Variants in TRPM3 observed in about 807,000 individuals in gnomAD.
The protein encoded by TRPM3 is long transient receptor potential channel 3.
TRPM3 carries 77 observed loss-of-function variants against 181.2 expected under a neutral mutation model. The observed-to-expected ratio is 0.42, with a 90% CI of 0.35 to 0.51. TRPM3 has a LOEUF of 0.51. Among genes scored for constraint, TRPM3 ranks in the 20% least tolerant of loss-of-function variants. TRPM3 has a pLI of 0.01. For synonymous variants in TRPM3, 745 were observed against 796.4 expected (o/e 0.94, Z 1.09); for missense variants, 1,759 against 2,196.7 (o/e 0.80, Z 3.98).
intron 8 of TRPM3, among the ~76,000 whole-genome samples, chr9:70,701,597 A>AGTT (rs558889092): frequency 5.7e-4 from 86 of 152,116 alleles, no homozygotes; most frequent in Non-Finnish European, 1.2e-3. Flanking sequence ...ATTCTGGGGT[A>AGTT]GTTAAGGGAT....
intron 1 of TRPM3, among the ~76,000 whole-genome samples, chr9:71,126,871 G>A (rs1469276105): frequency 2.6e-5 from 4 of 152,092 alleles, no homozygotes; most frequent in Non-Finnish European, 4.4e-5. Flanking sequence ...GTACAGTTCT[G>A]GTTGACAGAA....
chr9:70,670,451 T>C (rs1211637477), intron 9 of TRPM3, among the ~76,000 whole-genome samples: 1 of 152,212 alleles, frequency 6.6e-6, no homozygotes, highest in Non-Finnish European at 1.5e-5. Flanking sequence ...CTTTGGTCTG[T>C]TATTGGACTG....
intron 6 of TRPM3, among the ~76,000 whole-genome samples, chr9:70,792,554 A>G (rs2085734137): frequency 6.6e-6 from 1 of 151,514 alleles, no homozygotes; most frequent in Admixed American, 6.6e-5. Flanking sequence ...GAGAGAGGGC[A>G]TCTGTGAAAG....
At chr9:70,538,554 T>C (rs1208792241) in intron 25 of TRPM3, among the ~76,000 whole-genome samples, 1 of 152,142 alleles carries the variant, frequency 6.6e-6, no homozygotes, top group Non-Finnish European at 1.5e-5. Context: ...TCAGCCTCTC[T>C]AGTAGCTGGG....
At chr9:71,273,485 G>C (rs1382172777) in intron 1 of TRPM3, among the ~76,000 whole-genome samples, 1 of 152,206 alleles carries the variant, frequency 6.6e-6, no homozygotes, top group East Asian at 1.9e-4. Flanking sequence ...GGCATGCCAA[G>C]TTGAAATTCA....
At chr9:70,665,853 AC>A (rs1434816893) in intron 9 of TRPM3, among the ~76,000 whole-genome samples, 2 of 152,148 alleles carry the variant, frequency 1.3e-5, no homozygotes, top group Non-Finnish European at 2.9e-5. Flanking sequence ...ATGATTTTCA[AC>A]CTTCTGTTCC....
At chr9:71,291,658 C>A (rs1389963448) in intron 1 of TRPM3, among the ~76,000 whole-genome samples, 2 of 151,928 alleles carry the variant, frequency 1.3e-5, no homozygotes, top group African/African-American at 4.8e-5. Context: ...GTAGTATTTT[C>A]AAATGTATAT....
intron 1 of TRPM3, among the ~76,000 whole-genome samples, chr9:70,921,915 C>G (rs1370589162): frequency 3.2e-5 from 1 of 30,808 alleles, no homozygotes; most frequent in Non-Finnish European, 6.0e-5. Context: ...TTGGCAGCCA[C>G]TATACACACA....
chr9:70,777,095 T>C (rs2130718892), intron 7 of TRPM3, among the ~76,000 whole-genome samples: 1 of 152,292 alleles, frequency 6.6e-6, no homozygotes, highest in South Asian at 2.1e-4. Context: ...CTCAGAGGAA[T>C]GTAATCAATA....
At chr9:70,582,534 G>T (rs914463417) in intron 22 of TRPM3, among the ~76,000 whole-genome samples, 19 of 152,132 alleles carry the variant, frequency 1.2e-4, no homozygotes, top group Admixed American at 3.9e-4. Flanking sequence ...CACAGAGCTG[G>T]CATTCTAAAG....
intron 9 of TRPM3, among the ~76,000 whole-genome samples, chr9:70,659,176 C>A (rs1219863244): frequency 6.6e-6 from 1 of 151,984 alleles, no homozygotes; most frequent in African/African-American, 2.4e-5. Context: ...GTTATTTTAC[C>A]AAGACTTTGA....
At chr9:71,201,639 G>T (rs924195743) in intron 1 of TRPM3, among the ~76,000 whole-genome samples, 7 of 152,002 alleles carry the variant, frequency 4.6e-5, no homozygotes, top group Non-Finnish European at 1.0e-4. Context: ...TTCCATCACT[G>T]ATACCCTTTC....
chr9:70,866,532 A>G (rs1362876766), intron 1 of TRPM3, among the ~76,000 whole-genome samples: 1 of 152,044 alleles, frequency 6.6e-6, no homozygotes, highest in Non-Finnish European at 1.5e-5. Context: ...TGTTGTCATG[A>G]TTTTGGGGGT....
At chr9:71,240,731 G>C (rs2081615008) in intron 1 of TRPM3, among the ~76,000 whole-genome samples, 1 of 152,156 alleles carries the variant, frequency 6.6e-6, no homozygotes, top group South Asian at 2.1e-4. Flanking sequence ...GATTCACGGA[G>C]AGAGGTTGCA....
chr9:70,964,776 C>T (rs891890779), intron 1 of TRPM3, among the ~76,000 whole-genome samples: 2 of 152,076 alleles, frequency 1.3e-5, no homozygotes, highest in African/African-American at 4.8e-5. Flanking sequence ...TCCAAAGATT[C>T]TGCTTAGGTG....
rs1256083068 is a variant in TRPM3 at position 71,440,357 on chromosome 9, CATT to C, written c.183+6293_183+6295del. Among the ~76,000 whole-genome samples the C allele has an allele frequency of 3.3e-5, 5 of 152,170 alleles. No homozygotes were observed. The East Asian group carries it at 5.8e-4, about 18-fold the overall frequency. ...CCATACAAATATTTGCACTTGCTGT[CATT>C]GTTGTTATTTCTTTTTCTCATCTAA... On this transcript the variant is annotated intron_variant, in intron 1 of 24. Coordinates refer to the TRPM3 transcript ENST00000357533.
chr9:70,811,027 T>A lies in TRPM3; in HGVS notation c.973+16820A>T. ...AATAGGGAGTAACTAATTTCTGATG[T>A]GGTTGAATGTCAGAAGAGATAGAGA... On this transcript the variant is annotated intron_variant, in intron 6 of 25. Coordinates refer to ENST00000677713, the MANE Select transcript of TRPM3 (RefSeq NM_001366145.2). 5.9e-6 allele frequency: 4 copies of A among 672,664 alleles called. No homozygotes were observed. In the East Asian group the frequency reaches 1.1e-4, roughly 18 times the overall value. The allele number at this position is 672,664 out of a possible 1,614,324, so 41.7% of individuals were successfully genotyped here. A position where few individuals can be genotyped will look rare whatever the true frequency, so the allele number is the denominator to read the frequency against.
chr9:71,305,060 A>C (rs2132354107), intron 1 of TRPM3, among the ~76,000 whole-genome samples: 1 of 152,322 alleles, frequency 6.6e-6, no homozygotes, highest in Non-Finnish European at 1.5e-5. Flanking sequence ...TACAGATAAG[A>C]AACTGAGACT....
chr9:71,072,524 T>C (rs539082690), intron 1 of TRPM3, among the ~76,000 whole-genome samples: 6 of 152,184 alleles, frequency 3.9e-5, no homozygotes, highest in Middle Eastern at 3.4e-3. Context: ...CCCCATTCCA[T>C]AGACAGGAAA....
Sources: gnomAD v4.1 joint callset for allele counts (sites outside exome capture counted in the v4.1 genomes callset) on GRCh38, gnomAD v4.1.1 for gene constraint, MANE v1.5 for transcripts, NCBI Gene and HGNC (gene_info 2026-07-23, HGNC 2026-07-21) for gene names.